PPP1R12B: variants seen among roughly 807,000 people sequenced by gnomAD.
PPP1R12B encodes the protein myosin phosphatase target subunit 2.
Under a neutral mutation model 126.1 loss-of-function variants are expected in PPP1R12B, and 76 were observed. The observed-to-expected ratio is 0.60, with a 90% CI of 0.50 to 0.73. The LOEUF (loss-of-function observed/expected upper bound fraction) is 0.73, where lower values mean the gene tolerates loss of function less well. PPP1R12B is among the 30% of genes least tolerant of loss of function. The pLI is 0.00. For missense variants in PPP1R12B, 1,052 were observed against 1,205.1 expected (o/e 0.87, Z 1.88); for synonymous variants, 356 against 434.7 (o/e 0.82, Z 2.25).
chr1:202,473,923 C>T (rs765766798), intron 13 of PPP1R12B: 2 of 532,982 alleles, frequency 3.8e-6, no homozygotes, highest in Non-Finnish European at 3.9e-6. Flanking sequence ...TCTTGACCTT[C>T]GTTCTGCTAT....
chr1:202,467,984 G>A (rs1399969835), intron 13 of PPP1R12B, among the ~76,000 whole-genome samples: 2 of 152,168 alleles, frequency 1.3e-5, no homozygotes, highest in Admixed American at 6.5e-5. Context: ...GTGATGATGA[G>A]CATTTTTTCA....
intron 8 of PPP1R12B, among the ~76,000 whole-genome samples, chr1:202,431,957 A>G (rs1670242394): frequency 6.6e-6 from 1 of 152,194 alleles, no homozygotes; most frequent in Non-Finnish European, 1.5e-5. Flanking sequence ...TGTCTCTACA[A>G]AAAAATTTAA....
At chr1:202,412,712 T>C (rs1379264936) in intron 1 of PPP1R12B, among the ~76,000 whole-genome samples, 2 of 152,194 alleles carry the variant, frequency 1.3e-5, no homozygotes, top group African/African-American at 4.8e-5. Context: ...GCAAAGAGTG[T>C]TTTTAGCACA....
At chr1:202,578,890 G>C (rs188399815) in intron 23 of PPP1R12B, among the ~76,000 whole-genome samples, 1 of 152,186 alleles carries the variant, frequency 6.6e-6, no homozygotes, top group Non-Finnish European at 1.5e-5. Context: ...GTTTCTAGGC[G>C]TCAAACATTT....
intron 1 of PPP1R12B, among the ~76,000 whole-genome samples, chr1:202,396,862 A>C (rs1665059674): frequency 6.6e-6 from 1 of 152,080 alleles, no homozygotes; most frequent in African/African-American, 2.4e-5. Flanking sequence ...CCTATGTCTG[A>C]GGCATTCTCT....
At chr1:202,461,315 T>C (rs1674284880) in intron 13 of PPP1R12B, among the ~76,000 whole-genome samples, 3 of 152,222 alleles carry the variant, frequency 2.0e-5, no homozygotes, top group Admixed American at 2.0e-4. Context: ...CTTACCTTGT[T>C]TGCATGTATT....
chr1:202,580,330 C>T (rs1689473706), intron 23 of PPP1R12B, 144 bp from the exon 24 acceptor site: 1 of 615,160 alleles, frequency 1.6e-6, no homozygotes, highest in Non-Finnish European at 3.0e-6. Context: ...AAGGGAATTT[C>T]ATCCCTGGGA....
intron 18 of PPP1R12B, chr1:202,502,701 G>A (rs2148875974): frequency 6.3e-6 from 1 of 158,192 alleles, no homozygotes; most frequent in Middle Eastern, 3.3e-3. Flanking sequence ...GGAGGAATCA[G>A]AAGTGCCAAC....
At chr1:202,409,325 A>G (rs536376164) in intron 1 of PPP1R12B, among the ~76,000 whole-genome samples, 32 of 117,880 alleles carry the variant, frequency 2.7e-4, no homozygotes, top group Middle Eastern at 4.0e-3. Context: ...CCTTGCCAAC[A>G]CTTTTTTTTT....
rs1444948196 is a variant in PPP1R12B at position 202,349,815 on chromosome 1, T to A, written c.291+673T>A. Among the ~76,000 whole-genome samples the A allele has an allele frequency of 3.9e-5, 6 of 152,234 alleles. No homozygotes were observed. In the East Asian group the frequency reaches 1.2e-3, roughly 29 times the overall value. On this transcript the variant is annotated intron_variant, in intron 1 of 23. Transcript: ENST00000608999. ...TTTGATACTTATGGAATAGCTTTTC[T>A]ATTTTTCTATTTTTTTTTCTAAAGT...
At chr1:202,426,086 T>C (rs1227763266) in intron 4 of PPP1R12B, among the ~76,000 whole-genome samples, 4 of 152,212 alleles carry the variant, frequency 2.6e-5, no homozygotes, top group Non-Finnish European at 1.5e-5. Context: ...ATAATTTCTT[T>C]TGTGTCATTA....
chr1:202,395,542 C>T (rs547919991), intron 1 of PPP1R12B, among the ~76,000 whole-genome samples: 1 of 152,296 alleles, frequency 6.6e-6, no homozygotes, highest in Non-Finnish European at 1.5e-5. Context: ...CTCCACCTTG[C>T]TCTGTCACCC....
At chr1:202,444,953 A>AT in intron 12 of PPP1R12B, 1 of 1,086,752 alleles carries the variant, frequency 9.2e-7, no homozygotes, top group East Asian at 3.2e-5. Flanking sequence ...GTCTATATTC[A>AT]TTTCAAGTGC....
At chr1:202,408,217 T>A (rs915889280) in intron 1 of PPP1R12B, among the ~76,000 whole-genome samples, 1 of 152,152 alleles carries the variant, frequency 6.6e-6, no homozygotes, top group South Asian at 2.1e-4. Context: ...CTTAGAAATG[T>A]TGGGTTTCAC....
rs1672425517 is a variant in PPP1R12B, at chr1:202,447,456, G to T, written c.1668-1533G>T. 2.6e-5 allele frequency among the ~76,000 whole-genome samples: 4 copies of T among 152,220 alleles called. No homozygotes were observed. The South Asian group carries it at 8.3e-4, about 32-fold the overall frequency. ...CAGACATTATTTTATTTAATCATTA[G>T]AAGAACCCTGTATTTTAAGGTGCCA... On this transcript the variant is annotated intron_variant, in intron 12 of 23. Transcript: ENST00000608999.
In PPP1R12B at chr1:202,425,672, AG is replaced by A. The variant is rs1180035456; in HGVS notation, c.652del (p.Ala218LeufsTer19). On this transcript the variant is annotated frameshift_variant, in exon 4 of 24. Transcript: ENST00000608999. LOFTEE classifies it high-confidence loss of function. ...KIEDVRQARS[G>X]ATALHVAAAK... The stretch of plus-strand genomic sequence containing the variant: ...TAGAGGATGTGAGGCAGGCTCGCTC[AG>A]GGGCTACAGCCCTTCATGTGGCTGC... 6.2e-7 allele frequency: 1 copy of A among 1,613,962 alleles called. No homozygotes were observed. Among genetic ancestry groups the A allele is most frequent in the East Asian group, 2.2e-5 (1 of 44,886 alleles).
chr1:202,410,325 C>T (rs1185251745), intron 1 of PPP1R12B: 4 of 152,196 alleles, frequency 2.6e-5, no homozygotes, highest in Middle Eastern at 3.2e-3. Flanking sequence ...TCAAGGAAAG[C>T]GTGGGCTGAA....
chr1:202,482,190 A>G (rs1202381844), intron 13 of PPP1R12B, among the ~76,000 whole-genome samples: 1 of 152,196 alleles, frequency 6.6e-6, no homozygotes, highest in Admixed American at 6.5e-5. Flanking sequence ...TAGTGCTGCC[A>G]TAAACACGGT....
At chr1:202,550,978 G>A (rs1686254098) in intron 18 of PPP1R12B, among the ~76,000 whole-genome samples, 2 of 152,194 alleles carry the variant, frequency 1.3e-5, no homozygotes, top group South Asian at 4.1e-4. Context: ...GGGAGGTGCA[G>A]GTCTGCATAG....
Sources: allele counts gnomAD v4.1 joint callset (sites outside exome capture counted in the v4.1 genomes callset), GRCh38; gene constraint gnomAD v4.1.1; transcripts MANE v1.5; gene names NCBI Gene and HGNC (gene_info 2026-07-23, HGNC 2026-07-21).